Variants in ZBTB34 observed in about 807,000 individuals in gnomAD.
ZBTB34 encodes the protein zinc finger and BTB domain-containing protein 34.
ZBTB34 carries 1 observed loss-of-function variant against 33.4 expected under a neutral mutation model. That is an observed-to-expected ratio of 0.03 (90% confidence interval 0.01 to 0.14). ZBTB34 has a LOEUF of 0.14. Ranked by LOEUF, ZBTB34 falls within the 10% of genes least tolerant of loss-of-function variation. The probability of loss-of-function intolerance (pLI) is 1.00; values close to 1 mark genes in which losing one functional copy is unlikely to be tolerated. For synonymous variants in ZBTB34, 283 were observed against 253.5 expected, an observed-to-expected ratio of 1.12 and a Z score of -1.11; for missense variants, 406 against 657.2, an observed-to-expected ratio of 0.62 and a Z score of 4.18.
intron 1 of ZBTB34, among the ~76,000 whole-genome samples, chr9:126,872,709 G>A (rs2033296992): frequency 6.6e-6 from 1 of 152,144 alleles, no homozygotes; most frequent in African/African-American, 2.4e-5. Flanking sequence ...GAAATTAACT[G>A]TAAGTTCACT....
intron 1 of ZBTB34, among the ~76,000 whole-genome samples, chr9:126,864,576 A>G (rs1220208924): frequency 6.6e-6 from 1 of 152,210 alleles, no homozygotes; most frequent in Admixed American, 6.5e-5. Flanking sequence ...TAATGCAGTA[A>G]GAACTCTAAA....
intron 1 of ZBTB34, among the ~76,000 whole-genome samples, chr9:126,878,260 A>G (rs1277128093): frequency 1.3e-5 from 2 of 152,080 alleles, no homozygotes. Flanking sequence ...ACCTGAGGTC[A>G]GGAGTTCGAG....
intron 1 of ZBTB34, among the ~76,000 whole-genome samples, chr9:126,875,862 A>G (rs2033349423): frequency 6.6e-6 from 1 of 152,086 alleles, no homozygotes; most frequent in Admixed American, 6.6e-5. Flanking sequence ...ATATCTTCCC[A>G]GGCACTGATG....
chr9:126,880,041 A>G lies in ZBTB34; in HGVS notation c.642A>G (p.Glu214=). The G allele has an allele frequency of 6.2e-7, 1 of 1,613,724 alleles. No homozygotes were observed. Among genetic ancestry groups the G allele is most frequent in the Non-Finnish European group, 8.5e-7 (1 of 1,179,880 alleles). The change falls in exon 2 of 2, where the codon GAA becomes GAG. Residue 214 remains glutamate (E), a synonymous_variant. Coordinates refer to ENST00000319119, the Ensembl canonical transcript of ZBTB34. This position sits in a 1 kb window ranked among gnomAD's most constrained non-coding sequence, Gnocchi z 6.7. Reference sequence around the variant, plus strand: ...GCGGGAGCAGTGGGAGCGTTTCTGAATATGAGATTCAGATAGAGGGAGACC... The same window carrying G: ...GCGGGAGCAGTGGGAGCGTTTCTGAGTATGAGATTCAGATAGAGGGAGACC...
chr9:126,862,285 C>T (rs1026444693), intron 1 of ZBTB34, among the ~76,000 whole-genome samples: 5 of 152,112 alleles, frequency 3.3e-5, no homozygotes, highest in Non-Finnish European at 7.3e-5. Context: ...AGGTGGGCCG[C>T]GGCTAGTTCC....
exon 2 of ZBTB34, chr9:126,884,416 G>A (rs960873197): frequency 1.0e-4 from 17 of 166,768 alleles, no homozygotes; most frequent in African/African-American, 4.1e-4. Flanking sequence ...AGTGGAAAAA[G>A]CCTCCCAACC....
Position 126,880,202 on chromosome 9 carries a change from G to T in ZBTB34, c.803G>T (p.Gly268Val), listed in dbSNP as rs2033416896. The stretch of plus-strand genomic sequence containing the variant: ...GGGTACCACACCGAGATGGTTGATG[G>T]GGAACAAGTTGTGGCAGTGAATGTG... The change falls in exon 2 of 2, where the codon GGG (glycine) becomes GTG (valine). Residue 268 changes from glycine to valine, a missense_variant. Coordinates refer to ENST00000319119, the Ensembl canonical transcript of ZBTB34. This position sits in a 1 kb window ranked among gnomAD's most constrained non-coding sequence, Gnocchi z 6.7. 4 of 1,613,794 alleles carry T rather than the reference G, an allele frequency of 2.5e-6. No individual in the cohort carries two copies. Among genetic ancestry groups the T allele is most frequent in the Non-Finnish European group, 2.5e-6 (3 of 1,179,882 alleles).
At chr9:126,871,590 A>G (rs963180739) in intron 1 of ZBTB34, among the ~76,000 whole-genome samples, 9 of 152,020 alleles carry the variant, frequency 5.9e-5, no homozygotes, top group African/African-American at 2.2e-4. Flanking sequence ...TCGGCCTCCC[A>G]AAGTGCTGAG....
At chr9:126,882,532 G>A (rs963760975) in exon 2 of ZBTB34, 1 of 167,096 alleles carries the variant, frequency 6.0e-6, no homozygotes, top group Non-Finnish European at 1.5e-5. Flanking sequence ...CTCTGGCAGA[G>A]AGTAATTTTG....
chr9:126,877,822 T>TG (rs1157653682), intron 1 of ZBTB34, among the ~76,000 whole-genome samples: 1 of 151,788 alleles, frequency 6.6e-6, no homozygotes, highest in African/African-American at 2.4e-5. Flanking sequence ...CTGGCTAACA[T>TG]GGTGAAACCC....
At position 126,880,635 on chromosome 9, in the gene ZBTB34, G is replaced by A. The variant is rs759965350; in HGVS notation, c.1236G>A (p.Lys412=). Residue 412 remains lysine, a synonymous_variant, in exon 2 of 2, where the codon AAG becomes AAA. Transcript: ENST00000319119. The surrounding 1 kb of genome is among the most constrained non-coding windows in gnomAD (Gnocchi z 6.7). Reference sequence around the variant, plus strand: ...TTGTGTGCAAGTTCTGTGGGAAGAAGTACACACGGAAGGACCAACTGGAGT... The same window carrying A: ...TTGTGTGCAAGTTCTGTGGGAAGAAATACACACGGAAGGACCAACTGGAGT... 6.2e-7 allele frequency: 1 copy of A among 1,613,874 alleles called. No individual in the cohort carries two copies. Among genetic ancestry groups the A allele is most frequent in the Admixed American group, 1.7e-5 (1 of 60,028 alleles).
chr9:126,874,466 A>G (rs932954537), intron 1 of ZBTB34, among the ~76,000 whole-genome samples: 4 of 152,064 alleles, frequency 2.6e-5, no homozygotes, highest in Non-Finnish European at 2.9e-5. Flanking sequence ...TTCTGTAGTT[A>G]CTACGTTTGT....
intron 1 of ZBTB34, among the ~76,000 whole-genome samples, chr9:126,869,767 AT>A (rs1273284364): frequency 2.6e-5 from 4 of 152,194 alleles, no homozygotes; most frequent in African/African-American, 9.7e-5. Flanking sequence ...AGAAAGTAAG[AT>A]TTTGGAAGTA....
chr9:126,879,992 T>C lies in ZBTB34; in HGVS notation c.593T>C (p.Leu198Ser), dbSNP rs2033413286. The C allele has an allele frequency of 1.2e-6, 2 of 1,613,290 alleles. No homozygotes were observed. Among genetic ancestry groups the C allele is most frequent in the African/African-American group, 2.7e-5 (2 of 74,862 alleles). Reference sequence around the variant, plus strand: ...CCCAGCAAAGCTTTGCGCAGCCGCTTACAGGAGGAGGGGCACTCAGACCGC... The same window carrying C: ...CCCAGCAAAGCTTTGCGCAGCCGCTCACAGGAGGAGGGGCACTCAGACCGC... The change falls in exon 2 of 2, where the codon TTA becomes TCA. Residue 198 changes from leucine to serine, a missense_variant. Physicochemically the swap from Leu to Ser is moderately radical, Grantham distance 145. Transcript: ENST00000319119. The surrounding 1 kb of genome is among the most constrained non-coding windows in gnomAD (Gnocchi z 6.4).
chr9:126,866,291 A>C (rs944111483), intron 1 of ZBTB34, among the ~76,000 whole-genome samples: 2 of 152,086 alleles, frequency 1.3e-5, no homozygotes, highest in African/African-American at 4.8e-5. Flanking sequence ...TGGCTGAGCT[A>C]CGTGGCCTCC....
rs1018572186 is a variant in ZBTB34, at chr9:126,879,169, A to C, written c.-10-221A>C. ...AAATATTTTACTTTTGATCAAGATG[A>C]ATATTAGGCAATTATGACATTAGGC... On this transcript the variant is annotated intron_variant, in intron 1 of 1. Coordinates refer to ENST00000319119, the Ensembl canonical transcript of ZBTB34. This position sits in a 1 kb window ranked among gnomAD's most constrained non-coding sequence, Gnocchi z 6.4. 6.6e-6 allele frequency among the ~76,000 whole-genome samples: 1 copy of C among 152,198 alleles called. No individual in the cohort carries two copies. Among genetic ancestry groups the C allele is most frequent in the African/African-American group, 2.4e-5 (1 of 41,456 alleles).
chr9:126,870,436 C>T (rs1242488500), intron 1 of ZBTB34, among the ~76,000 whole-genome samples: 2 of 152,164 alleles, frequency 1.3e-5, no homozygotes, highest in Non-Finnish European at 1.5e-5. Flanking sequence ...AATTCCCAGT[C>T]AGTGTGCCAT....
chr9:126,868,493 G>A (rs1031756511), intron 1 of ZBTB34, among the ~76,000 whole-genome samples: 1 of 152,126 alleles, frequency 6.6e-6, no homozygotes, highest in Non-Finnish European at 1.5e-5. Context: ...GTGCCTCACT[G>A]TGTGAGTGTC....
chr9:126,862,627 C>T (rs1039410480), intron 1 of ZBTB34, among the ~76,000 whole-genome samples: 2 of 152,188 alleles, frequency 1.3e-5, no homozygotes, highest in African/African-American at 4.8e-5. Flanking sequence ...GCAAATTCTC[C>T]ATTTCACTTC....
Sources: allele counts gnomAD v4.1 joint callset (sites outside exome capture counted in the v4.1 genomes callset), GRCh38; gene constraint gnomAD v4.1.1; non-coding constraint Gnocchi (gnomAD v3.1); transcripts MANE v1.5; gene names NCBI Gene and HGNC (gene_info 2026-07-23, HGNC 2026-07-21).